Variants in PARVA observed in about 807,000 individuals in gnomAD.
The protein encoded by PARVA is alpha-parvin.
PARVA carries 25 observed loss-of-function variants against 52.6 expected under a neutral mutation model. That is an observed-to-expected ratio of 0.48 (90% CI 0.35 to 0.66). The LOEUF (loss-of-function observed/expected upper bound fraction) is 0.66, where lower values mean the gene tolerates loss of function less well. PARVA is among the 30% of genes least tolerant of loss of function. The pLI, the probability that PARVA is intolerant of heterozygous loss-of-function variation, is 0.01. For synonymous variants in PARVA, 185 were observed against 179.1 expected, an observed-to-expected ratio of 1.03 and a Z score of -0.26; for missense variants, 373 against 450.9, an observed-to-expected ratio of 0.83 and a Z score of 1.56.
At chr11:12,507,985 T>TGGAC (rs1332079537) in intron 6 of PARVA, among the ~76,000 whole-genome samples, 88 of 150,860 alleles carry the variant, frequency 5.8e-4, no homozygotes, top group Non-Finnish European at 1.1e-3. Context: ...GATGGATGGA[T>TGGAC]GGATGGACGG....
chr11:12,407,757 C>T (rs1281720985), intron 1 of PARVA, among the ~76,000 whole-genome samples: 1 of 152,154 alleles, frequency 6.6e-6, no homozygotes, highest in Non-Finnish European at 1.5e-5. Context: ...ATGGCTCAGC[C>T]CTCTTGAAGG....
At chr11:12,521,700 G>C (rs1941638730) in intron 12 of PARVA, among the ~76,000 whole-genome samples, 1 of 152,128 alleles carries the variant, frequency 6.6e-6, no homozygotes, top group African/African-American at 2.4e-5. Flanking sequence ...TGTCATCACA[G>C]GGGTCCTTAT....
intron 1 of PARVA, among the ~76,000 whole-genome samples, chr11:12,401,167 A>G (rs945668817): frequency 6.6e-6 from 1 of 152,200 alleles, no homozygotes; most frequent in African/African-American, 2.4e-5. Flanking sequence ...CTGGGCTGGT[A>G]GTTATTTTTA....
chr11:12,506,736 A>C (rs1415444612), intron 6 of PARVA, among the ~76,000 whole-genome samples: 1 of 152,226 alleles, frequency 6.6e-6, no homozygotes, highest in Non-Finnish European at 1.5e-5. Context: ...TGCTTTATCA[A>C]GTTGAACAGG....
chr11:12,382,187 A>T (rs919901614), intron 1 of PARVA, among the ~76,000 whole-genome samples: 1 of 152,168 alleles, frequency 6.6e-6, no homozygotes, highest in African/African-American at 2.4e-5. Context: ...TGCAGTGAGG[A>T]TTTAATCTTT....
chr11:12,499,814 A>G (rs990844691), intron 5 of PARVA, among the ~76,000 whole-genome samples: 1 of 152,156 alleles, frequency 6.6e-6, no homozygotes, highest in Non-Finnish European at 1.5e-5. Context: ...TATTTTATAT[A>G]TGTATATATA....
intron 12 of PARVA, among the ~76,000 whole-genome samples, chr11:12,522,981 G>A (rs902939285): frequency 3.3e-5 from 5 of 152,178 alleles, no homozygotes; most frequent in African/African-American, 4.8e-5. Flanking sequence ...TGTAGAAGGG[G>A]GAGGGGATGC....
rs530696656 is a variant in PARVA, at chr11:12,531,689, A to T, written c.*3764A>T. Among the ~76,000 whole-genome samples, 7 of 151,846 alleles carry T rather than the reference A, an allele frequency of 4.6e-5. No homozygotes were observed. The highest frequency in any genetic ancestry group is 4.6e-4 in the Admixed American group (7 of 15,196). On this transcript the variant is annotated 3_prime_UTR_variant, in exon 13 of 13. Transcript: ENST00000334956. ...ATCTTACCTTTATAATACATCCTAG[A>T]TAGGCAAGAGGGATATGTCCTGAAA...
intron 3 of PARVA, among the ~76,000 whole-genome samples, chr11:12,475,204 CGCCAAA>C (rs1564856722): frequency 6.6e-6 from 1 of 152,184 alleles, no homozygotes; most frequent in Non-Finnish European, 1.5e-5. Context: ...CGCTCCCCAC[CGCCAAA>C]GCCTGGCTAA....
intron 1 of PARVA, among the ~76,000 whole-genome samples, chr11:12,430,962 C>T (rs762958646): frequency 2.0e-5 from 3 of 152,188 alleles, no homozygotes; most frequent in South Asian, 2.1e-4. Context: ...AGCAAATGTT[C>T]GAGAAATTTG....
intron 1 of PARVA, among the ~76,000 whole-genome samples, chr11:12,468,854 G>C (rs929251099): frequency 6.6e-6 from 1 of 152,180 alleles, no homozygotes; most frequent in Non-Finnish European, 1.5e-5. Context: ...TCTTCCTTGG[G>C]CCTTTCTTTA....
intron 1 of PARVA, among the ~76,000 whole-genome samples, chr11:12,462,858 T>C (rs1362738418): frequency 6.6e-6 from 1 of 152,162 alleles, no homozygotes; most frequent in Non-Finnish European, 1.5e-5. Context: ...ATCTCAGCCC[T>C]GGAAACAACC....
rs550457473 is a variant in PARVA at position 12,393,410 on chromosome 11, A to G, written c.136+15627A>G. The stretch of plus-strand genomic sequence containing the variant: ...TAGTTAAGATAACATTAGCTGCTGT[A>G]ACAGATAAGCCCCAAGTTCTTGGAA... On this transcript the variant is annotated intron_variant, in intron 1 of 12. Coordinates refer to ENST00000334956, the MANE Select transcript of PARVA (RefSeq NM_018222.5). Among the ~76,000 whole-genome samples, 167 of 152,068 alleles carry G rather than the reference A, an allele frequency of 1.1e-3. 1 individual carries two copies. The highest frequency in any genetic ancestry group is 3.6e-3 in the African/African-American group (147 of 41,314).
chr11:12,413,099 T>A (rs904474155), intron 1 of PARVA, among the ~76,000 whole-genome samples: 3 of 152,238 alleles, frequency 2.0e-5, no homozygotes, highest in African/African-American at 7.2e-5. Flanking sequence ...TGCAGGCGTC[T>A]GCCTGTGCCA....
chr11:12,397,728 C>T (rs998375946), intron 1 of PARVA, among the ~76,000 whole-genome samples: 2 of 152,076 alleles, frequency 1.3e-5, no homozygotes, highest in Non-Finnish European at 2.9e-5. Context: ...TTGGTTCAGA[C>T]AGGATGTTTT....
chr11:12,420,375 C>A (rs377618999), intron 1 of PARVA, among the ~76,000 whole-genome samples: 261 of 152,282 alleles, frequency 1.7e-3, no homozygotes, highest in Middle Eastern at 0.014. Flanking sequence ...GTGCACCAAG[C>A]AAGAGTGAGG....
chr11:12,425,107 T>A (rs1282183572), intron 1 of PARVA, among the ~76,000 whole-genome samples: 1 of 152,252 alleles, frequency 6.6e-6, no homozygotes, highest in Non-Finnish European at 1.5e-5. Flanking sequence ...AAATCATTTA[T>A]GTAACTGGTA....
At chr11:12,424,453 A>C (rs1940198324) in intron 1 of PARVA, among the ~76,000 whole-genome samples, 1 of 152,198 alleles carries the variant, frequency 6.6e-6, no homozygotes, top group African/African-American at 2.4e-5. Flanking sequence ...AGACTGTGCC[A>C]TCATTACAGT....
chr11:12,472,286 G>A lies in PARVA; in HGVS notation c.137-1459G>A, dbSNP rs577518212. On this transcript the variant is annotated intron_variant, in intron 1 of 12. Transcript: ENST00000334956. Reference sequence around the variant, plus strand: ...AAAGTTTATGAATTTGTGTTGGGCTGCATTCAAAGCCATCCTGGACCACAT... The same window carrying A: ...AAAGTTTATGAATTTGTGTTGGGCTACATTCAAAGCCATCCTGGACCACAT... 4.6e-5 allele frequency among the ~76,000 whole-genome samples: 7 copies of A among 152,342 alleles called. No homozygotes were observed. The South Asian group carries it at 1.5e-3, about 32-fold the overall frequency.
Sources: allele counts gnomAD v4.1 joint callset (sites outside exome capture counted in the v4.1 genomes callset), GRCh38; gene constraint gnomAD v4.1.1; transcripts MANE v1.5; gene names NCBI Gene and HGNC (gene_info 2026-07-23, HGNC 2026-07-21).